PRMT3: variants seen among roughly 807,000 people sequenced by gnomAD.
The protein encoded by PRMT3 is protein arginine N-methyltransferase 3.
In PRMT3, 62 loss-of-function variants were observed where a neutral mutation model predicts 71.9. The observed-to-expected ratio is 0.86, with a 90% CI of 0.70 to 1.07. The LOEUF (loss-of-function observed/expected upper bound fraction) is 1.07. PRMT3 is among the 50% of genes least tolerant of loss of function. The probability of loss-of-function intolerance (pLI) is 0.00; values close to 1 mark genes in which losing one functional copy is unlikely to be tolerated. For synonymous variants in PRMT3, 213 were observed against 220.4 expected, an observed-to-expected ratio of 0.97 and a Z score of 0.30; for missense variants, 663 against 643.0, an observed-to-expected ratio of 1.03 and a Z score of -0.34.
At position 20,461,996 on chromosome 11, in the gene PRMT3, C is replaced by T; in HGVS notation, c.1089C>T (p.Cys363=). 6.3e-7 allele frequency: 1 copy of T among 1,583,752 alleles called. No homozygotes were observed. The highest frequency in any genetic ancestry group is 8.6e-7 in the Non-Finnish European group (1 of 1,160,698). The change falls in exon 12 of 16, where the codon TGC becomes TGT. Residue 363 remains cysteine (C), a synonymous_variant. Transcript: ENST00000331079. The part of the protein sequence containing the change: ...AKGGSVYPDI[C]TISLVAVSDV... Reference sequence around the variant, plus strand: ...TTGTTACAGTCTACCCTGACATTTGCACTATCAGCCTTGTAGCAGTGAGTG... The same window carrying T: ...TTGTTACAGTCTACCCTGACATTTGTACTATCAGCCTTGTAGCAGTGAGTG...
chr11:20,451,687 C>T (rs1850152080), intron 10 of PRMT3, among the ~76,000 whole-genome samples: 2 of 152,028 alleles, frequency 1.3e-5, no homozygotes, highest in South Asian at 4.1e-4. Context: ...ATGCCAGTAG[C>T]ATCTCGTTCA....
chr11:20,403,969 C>CT (rs1172267371), intron 8 of PRMT3, among the ~76,000 whole-genome samples: 1 of 151,724 alleles, frequency 6.6e-6, no homozygotes, highest in East Asian at 1.9e-4. Context: ...TTCCATACCT[C>CT]TTTTTTAAGA....
Position 20,464,562 on chromosome 11 carries a change from C to T in PRMT3, c.1347+16C>T, listed in dbSNP as rs755259930. ...CATGTGCACGGTAAGCTATTTCATT[C>T]TGCTTTTACAAATTTCACTAGCAGT... On this transcript the variant is annotated intron_variant, in intron 13 of 15. Transcript: ENST00000331079. The T allele has an allele frequency of 6.2e-7, 1 of 1,605,238 alleles. No individual in the cohort carries two copies. Among genetic ancestry groups the T allele is most frequent in the African/African-American group, 1.3e-5 (1 of 74,464 alleles).
chr11:20,474,344 C>T (rs1565228419), intron 13 of PRMT3, among the ~76,000 whole-genome samples: 1 of 152,142 alleles, frequency 6.6e-6, no homozygotes, highest in Non-Finnish European at 1.5e-5. Flanking sequence ...GAATTTGGTG[C>T]TTCTCAGGCA....
chr11:20,451,715 C>G (rs1850153024), intron 10 of PRMT3, among the ~76,000 whole-genome samples: 1 of 151,962 alleles, frequency 6.6e-6, no homozygotes, highest in South Asian at 2.1e-4. Context: ...CCCCCAGTTG[C>G]AACAATCAAA....
At chr11:20,494,011 A>G in intron 14 of PRMT3, 42 bp downstream of exon 14, 1 of 1,496,806 alleles carries the variant, frequency 6.7e-7, no homozygotes, top group South Asian at 1.2e-5. Flanking sequence ...ATTATTACAG[A>G]AGTACATTAT....
chr11:20,499,011 A>C (rs1378463257), intron 15 of PRMT3, among the ~76,000 whole-genome samples: 12 of 152,240 alleles, frequency 7.9e-5, no homozygotes, highest in Admixed American at 7.9e-4. Context: ...CAGAAATGGT[A>C]AATGTGTGAT....
intron 7 of PRMT3, among the ~76,000 whole-genome samples, chr11:20,400,260 T>C (rs1189409191): frequency 1.3e-5 from 2 of 152,214 alleles, no homozygotes; most frequent in Non-Finnish European, 2.9e-5. Context: ...GGATTTTTTG[T>C]TGCTTGGCTT....
At chr11:20,432,007 A>G (rs1438442571) in intron 10 of PRMT3, among the ~76,000 whole-genome samples, 1 of 152,134 alleles carries the variant, frequency 6.6e-6, no homozygotes, top group African/African-American at 2.4e-5. Flanking sequence ...AATCAAGAAT[A>G]AAATGAAAGC....
intron 15 of PRMT3, among the ~76,000 whole-genome samples, chr11:20,494,899 T>C (rs916134237): frequency 3.3e-5 from 5 of 152,174 alleles, no homozygotes; most frequent in African/African-American, 1.2e-4. Context: ...AAGAGAAATA[T>C]TACCAATAAA....
intron 13 of PRMT3, among the ~76,000 whole-genome samples, chr11:20,471,518 T>G (rs899455271): frequency 2.0e-5 from 3 of 152,106 alleles, no homozygotes; most frequent in Non-Finnish European, 4.4e-5. Context: ...GATCAGTTGA[T>G]TGAAGGTGTG....
intron 9 of PRMT3, among the ~76,000 whole-genome samples, chr11:20,419,543 T>A (rs1455302225): frequency 1.3e-5 from 2 of 152,204 alleles, no homozygotes; most frequent in Non-Finnish European, 2.9e-5. Flanking sequence ...TGTTTGTGAG[T>A]TGAGTAAGGA....
chr11:20,421,585 C>G (rs1348545736), intron 9 of PRMT3, among the ~76,000 whole-genome samples: 13 of 152,292 alleles, frequency 8.5e-5, no homozygotes. Flanking sequence ...TCTCCAAAAA[C>G]CCTTAATGAC....
At chr11:20,405,009 G>A (rs1298163540) in intron 8 of PRMT3, among the ~76,000 whole-genome samples, 1 of 152,138 alleles carries the variant, frequency 6.6e-6, no homozygotes, top group Non-Finnish European at 1.5e-5. Context: ...AAAGGCTCAA[G>A]TATTAGTAAT....
In PRMT3 at chr11:20,481,837, C is replaced by T. The variant is rs1850944341; in HGVS notation, c.1348-12082C>T. On this transcript the variant is annotated intron_variant, in intron 13 of 15. Coordinates refer to ENST00000331079, the MANE Select transcript of PRMT3 (RefSeq NM_005788.4). The stretch of plus-strand genomic sequence containing the variant: ...CCTAGAGAGTCAAGAGCCCTTGAAA[C>T]TGGACCCCAGAGTATTTTAGCCTTT... Among the ~76,000 whole-genome samples, 4 of 152,038 alleles carry T rather than the reference C, an allele frequency of 2.6e-5. No homozygotes were observed. In the South Asian group the frequency reaches 8.3e-4, roughly 32 times the overall value.
chr11:20,414,387 G>C (rs1466670954), intron 9 of PRMT3, among the ~76,000 whole-genome samples: 3 of 152,086 alleles, frequency 2.0e-5, no homozygotes, highest in Admixed American at 2.0e-4. Flanking sequence ...TTTCTGAGAT[G>C]TTATGTTAGT....
chr11:20,508,496 C>CAGAT lies in PRMT3; in HGVS notation c.*84_*87dup, dbSNP rs774058203. On this transcript the variant is annotated 3_prime_UTR_variant, in exon 16 of 16. Transcript: ENST00000331079. ...CAGGAGGGAGCTGGTTTTATGTGAG[C>CAGAT]AGATGGATGGATGATGGACCCTTTC... 1 of 916,898 alleles carries CAGAT rather than the reference C, an allele frequency of 1.1e-6. No individual in the cohort carries two copies. The highest frequency in any genetic ancestry group is 1.8e-6 in the Non-Finnish European group (1 of 549,254). The allele number at this position is 916,898 out of a possible 1,614,324, so 56.8% of individuals were successfully genotyped here. A position where few individuals can be genotyped will look rare whatever the true frequency, so the allele number is the denominator to read the frequency against.
At chr11:20,493,607 G>A (rs1435256005) in intron 13 of PRMT3, among the ~76,000 whole-genome samples, 1 of 151,890 alleles carries the variant, frequency 6.6e-6, no homozygotes, top group Admixed American at 6.6e-5. Flanking sequence ...GTGAGGATCA[G>A]TGAGGGGCCA....
At chr11:20,480,390 A>C (rs777164447) in intron 13 of PRMT3, among the ~76,000 whole-genome samples, 1 of 152,164 alleles carries the variant, frequency 6.6e-6, no homozygotes, top group Non-Finnish European at 1.5e-5. Context: ...TCAGTTGAAA[A>C]GTTGACCAAA....
Sources: gnomAD v4.1 joint callset for allele counts (sites outside exome capture counted in the v4.1 genomes callset) on GRCh38, gnomAD v4.1.1 for gene constraint, MANE v1.5 for transcripts, NCBI Gene and HGNC (gene_info 2026-07-23, HGNC 2026-07-21) for gene names.